The following KLF8 variants were observed in gnomAD, a reference collection of about 807,000 sequenced individuals.
KLF8 encodes the protein KLF transcription factor 8, also known as Krueppel-like factor 8.
KLF8 carries 10 observed loss-of-function variants against 18.2 expected under a neutral mutation model. The ratio of observed to expected loss-of-function variants is 0.55; its 90% CI spans 0.34 to 0.93. KLF8 has a LOEUF of 0.93. Among genes scored for constraint, KLF8 ranks in the 40% least tolerant of loss-of-function variants. The probability of loss-of-function intolerance (pLI) is 0.02; values close to 1 mark genes in which losing one functional copy is unlikely to be tolerated. For missense variants in KLF8, 264 were observed against 277.9 expected (o/e 0.95, Z 0.36); for synonymous variants, 109 against 97.3 (o/e 1.12, Z -0.71).
At chrX:56,151,811 G>A in the KLF8 span, among the ~76,000 whole-genome samples, 1 of 111,256 alleles carries the variant, frequency 9.0e-6, no homozygotes, top group African/African-American at 3.3e-5. Flanking sequence ...TTCTAGGCAT[G>A]CATGAGCTCT....
chrX:56,051,638 G>A, the KLF8 span, among the ~76,000 whole-genome samples: 69 of 111,135 alleles, frequency 6.2e-4, no homozygotes, highest in Non-Finnish European at 9.8e-4. Flanking sequence ...TGAGAGATCC[G>A]CTGTTCATCT....
chrX:56,077,662 T>A, the KLF8 span, among the ~76,000 whole-genome samples: 1 of 111,953 alleles, frequency 8.9e-6, no homozygotes. Flanking sequence ...AAAGTAGTTT[T>A]TTCCAATTCT....
the KLF8 span, among the ~76,000 whole-genome samples, chrX:55,992,712 G>C: frequency 8.9e-6 from 1 of 111,963 alleles, no homozygotes; most frequent in Non-Finnish European, 1.9e-5. Flanking sequence ...TAATAATACT[G>C]ATTCTTTCTA....
chrX:56,240,966 G>A (rs1001489202), intron 1 of KLF8, among the ~76,000 whole-genome samples: 3 of 108,291 alleles, frequency 2.8e-5, no homozygotes, highest in Non-Finnish European at 3.8e-5. Context: ...AAACCTGCAC[G>A]TCCTGCACAT....
chrX:56,025,205 G>A, the KLF8 span, among the ~76,000 whole-genome samples: 5 of 112,467 alleles, frequency 4.4e-5, no homozygotes, highest in African/African-American at 1.6e-4. Context: ...GGAATCTCAG[G>A]TACTGGCACA....
chrX:56,046,871 TC>T, the KLF8 span, among the ~76,000 whole-genome samples: 4 of 111,399 alleles, frequency 3.6e-5, no homozygotes, highest in African/African-American at 1.3e-4. Flanking sequence ...TGATCTTTTT[TC>T]CAGGTGTTCT....
chrX:56,261,010 A>T (rs970079297), intron 2 of KLF8, among the ~76,000 whole-genome samples: 1 of 112,108 alleles, frequency 8.9e-6, no homozygotes, highest in Admixed American at 9.5e-5. Context: ...ACTTTGTAAC[A>T]GTTGATTCCA....
chrX:56,040,368 A>C, the KLF8 span, among the ~76,000 whole-genome samples: 1 of 111,862 alleles, frequency 8.9e-6, no homozygotes, highest in Non-Finnish European at 1.9e-5. Context: ...GGTTTGTCAT[A>C]GATGATTCTT....
chrX:56,157,734 G>T, the KLF8 span, among the ~76,000 whole-genome samples: 1 of 111,632 alleles, frequency 9.0e-6, no homozygotes, highest in Non-Finnish European at 1.9e-5. Flanking sequence ...TTTTGATGGG[G>T]TTGTTTGCTT....
At chrX:56,144,607 G>T in the KLF8 span, among the ~76,000 whole-genome samples, 1 of 106,300 alleles carries the variant, frequency 9.4e-6, no homozygotes, top group Non-Finnish European at 1.9e-5. Flanking sequence ...CAAAAACTTA[G>T]CCAGCCATGG....
chrX:56,076,887 G>C, the KLF8 span, among the ~76,000 whole-genome samples: 1 of 111,997 alleles, frequency 8.9e-6, no homozygotes, highest in Non-Finnish European at 1.9e-5. Flanking sequence ...TTCTCTGATG[G>C]CCAGTGATGG....
At chrX:56,059,919 A>T in the KLF8 span, among the ~76,000 whole-genome samples, 4 of 112,119 alleles carry the variant, frequency 3.6e-5, no homozygotes, top group South Asian at 7.4e-4. Context: ...TGAAGATAGC[A>T]TTGAATCTAT....
At chrX:56,093,195 G>A in the KLF8 span, among the ~76,000 whole-genome samples, 1 of 111,110 alleles carries the variant, frequency 9.0e-6, no homozygotes, top group African/African-American at 3.3e-5. Context: ...AATCCAGGTA[G>A]CTCTTAGAAC....
the KLF8 span, among the ~76,000 whole-genome samples, chrX:56,047,907 C>T: frequency 1.8e-5 from 2 of 111,680 alleles, no homozygotes; most frequent in Admixed American, 9.5e-5. Context: ...TCCTGTTTCT[C>T]CACATCCTCT....
the KLF8 span, among the ~76,000 whole-genome samples, chrX:55,966,742 G>C: frequency 8.1e-5 from 9 of 111,324 alleles, no homozygotes; most frequent in Non-Finnish European, 1.5e-4. Flanking sequence ...CATGCAAAAA[G>C]ACCATCCAGG....
At chrX:56,078,668 G>T in the KLF8 span, among the ~76,000 whole-genome samples, 3 of 111,974 alleles carry the variant, frequency 2.7e-5, no homozygotes, top group African/African-American at 9.7e-5. Context: ...AAATGAGTTA[G>T]GGAGGATTCC....
At chrX:56,130,920 A>G in the KLF8 span, among the ~76,000 whole-genome samples, 2 of 111,883 alleles carry the variant, frequency 1.8e-5, no homozygotes, top group Non-Finnish European at 3.8e-5. Context: ...GTGCTCAAAC[A>G]CAAGGTTTTC....
At chrX:56,115,712 T>C in the KLF8 span, among the ~76,000 whole-genome samples, 1 of 111,883 alleles carries the variant, frequency 8.9e-6, no homozygotes, top group African/African-American at 3.3e-5. Flanking sequence ...AAAGCTGATA[T>C]TCCCATAATA....
At chrX:56,102,301 A>T in the KLF8 span, among the ~76,000 whole-genome samples, 71 of 110,590 alleles carry the variant, frequency 6.4e-4, no homozygotes, top group African/African-American at 2.2e-3. Flanking sequence ...ATTCTATTCC[A>T]TCGGTTTATG....
Sources: gnomAD v4.1 joint callset for allele counts (sites outside exome capture counted in the v4.1 genomes callset) on GRCh38, gnomAD v4.1.1 for gene constraint, MANE v1.5 for transcripts, NCBI Gene and HGNC (gene_info 2026-07-23, HGNC 2026-07-21) for gene names.